The following TMBIM1 variants were observed in gnomAD, a reference collection of about 807,000 sequenced individuals.
TMBIM1 encodes protein lifeguard 3.
Under a neutral mutation model 45.1 loss-of-function variants are expected in TMBIM1, and 34 were observed. That is an observed-to-expected ratio of 0.75 (90% CI 0.57 to 1.00). TMBIM1 has a LOEUF of 1.00. Ranked by LOEUF, TMBIM1 falls within the 50% of genes least tolerant of loss-of-function variation. TMBIM1 has a pLI of 0.00. For missense variants in TMBIM1, 374 were observed against 402.4 expected (o/e 0.93, Z 0.60); for synonymous variants, 157 against 153.5 (o/e 1.02, Z -0.17).
chr2:218,276,015 C>T lies in TMBIM1; in HGVS notation c.789+11G>A. On this transcript the variant is annotated intron_variant, in intron 11 of 11. Transcript: ENST00000258412. ...CTCAGCTCCCCTTCCTAGAGTGGGG[C>T]TGGGACTTACCAGGGTGAAACAAAT... is the stretch of plus-strand genomic sequence containing the variant. 1 of 1,610,120 alleles carries T rather than the reference C, an allele frequency of 6.2e-7. No individual in the cohort carries two copies. Among genetic ancestry groups the T allele is most frequent in the African/African-American group, 1.3e-5 (1 of 75,016 alleles).
In TMBIM1 at chr2:218,287,892, A is replaced by G. The variant is rs534371033; in HGVS notation, c.-41+4574T>C. 1.6e-3 allele frequency among the ~76,000 whole-genome samples: 247 copies of G among 152,218 alleles called. 1 individual carries two copies. Among genetic ancestry groups the G allele is most frequent in the Non-Finnish European group, 1.2e-3 (84 of 68,012 alleles). On this transcript the variant is annotated intron_variant, in intron 1 of 11. Coordinates refer to ENST00000258412, the MANE Select transcript of TMBIM1 (RefSeq NM_022152.6). ...AGGACCCAGGCACCGCAGCTCCGCCACCCTTGTCTGGAGCAGAATCCTGTG... is the reference window on the plus strand; with the variant it reads ...AGGACCCAGGCACCGCAGCTCCGCCGCCCTTGTCTGGAGCAGAATCCTGTG...
intron 3 of TMBIM1, chr2:218,279,668 G>A (rs1202295650): frequency 4.1e-6 from 2 of 487,696 alleles, no homozygotes; most frequent in Non-Finnish European, 7.4e-6. Flanking sequence ...CTATGCAGCT[G>A]TGAGATGGAG....
In TMBIM1 at chr2:218,281,954, A is replaced by G; in HGVS notation, c.188T>C (p.Met63Thr). The G allele has an allele frequency of 1.3e-6, 2 of 1,598,908 alleles. No homozygotes were observed. The highest frequency in any genetic ancestry group is 1.7e-6 in the Non-Finnish European group (2 of 1,173,832). ...CCAGGACTCACCGTAGTTCATGGGC[A>G]TCGGGTGGGTGGGGGGCATGGGCTG... Reference protein sequence around the residue: ...YPQPMPPTHPMPMNYGPGHGY... With the variant: ...YPQPMPPTHPTPMNYGPGHGY... Residue 63 changes from methionine to threonine, a missense_variant, in exon 2 of 12, where the codon ATG (methionine) becomes ACG (threonine). Met to Thr is a moderately conservative substitution (Grantham distance 81). Transcript: ENST00000258412.
Position 218,277,117 on chromosome 2 carries a change from A to G in TMBIM1, c.640-18T>C. The G allele has an allele frequency of 6.2e-7, 1 of 1,609,770 alleles. No individual in the cohort carries two copies. Among genetic ancestry groups the G allele is most frequent in the South Asian group, 1.1e-5 (1 of 90,928 alleles). Reference sequence around the variant, plus strand: ...AAGTCCACCTGCCAGGAAGCAAGAAAGAGGCACCTGTCAGATGGCTGTGAC... The same window carrying G: ...AAGTCCACCTGCCAGGAAGCAAGAAGGAGGCACCTGTCAGATGGCTGTGAC... On this transcript the variant is annotated intron_variant, in intron 9 of 11. Transcript: ENST00000258412.
intron 1 of TMBIM1, among the ~76,000 whole-genome samples, chr2:218,289,577 G>C (rs2106238058): frequency 7.3e-6 from 1 of 137,006 alleles, no homozygotes; most frequent in Admixed American, 8.2e-5. Flanking sequence ...AGGAGATGTA[G>C]GTTGCAGTGA....
At chr2:218,279,216 C>T in intron 4 of TMBIM1, 73 bp downstream of exon 4, 1 of 1,538,304 alleles carries the variant, frequency 6.5e-7, no homozygotes, top group East Asian at 2.3e-5. Flanking sequence ...GGGCCCACCG[C>T]CACCCACACC....
rs1001763480 is a variant in TMBIM1, at chr2:218,274,352, C to G, written c.*1123G>C. 5 of 154,924 alleles carry G rather than the reference C, an allele frequency of 3.2e-5. No homozygotes were observed. Among genetic ancestry groups the G allele is most frequent in the African/African-American group, 9.6e-5 (4 of 41,504 alleles). The allele number at this position is 154,924 out of a possible 1,614,324, so 9.6% of individuals were successfully genotyped here. ...ACAGACTGACCCTTGTCCCCCTTCC[C>G]CATTCCAGCTCAAGGCACTTAATAT... On this transcript the variant is annotated 3_prime_UTR_variant, in exon 12 of 12. Coordinates refer to ENST00000258412, the MANE Select transcript of TMBIM1 (RefSeq NM_022152.6).
rs1303541940 is a variant in TMBIM1 at position 218,275,591 on chromosome 2, C to G, written c.820G>C (p.Gly274Arg). Residue 274 changes from glycine to arginine, a missense_variant, in exon 12 of 12, where the codon GGG (glycine) becomes CGG (arginine). By Grantham distance (125) the Gly-to-Arg change is moderately radical. Coordinates refer to ENST00000258412, the MANE Select transcript of TMBIM1 (RefSeq NM_022152.6). ...GGGCTGATGGTGTGCTTCCGGTTCC[C>G]CAGGACCAGCTGTGTGTCGTAAGCC... ...FLAYDTQLVL[G>R]NRKHTISPED... 1 of 1,613,526 alleles carries G rather than the reference C, an allele frequency of 6.2e-7. No homozygotes were observed. The highest frequency in any genetic ancestry group is 8.5e-7 in the Non-Finnish European group (1 of 1,179,868).
chr2:218,278,148 T>C lies in TMBIM1; in HGVS notation c.474-174A>G. ...TCAGGTGTGGTACGCAGGGACAACA[T>C]GGGCCAATGAGACAGACCTGTGTTG... On this transcript the variant is annotated intron_variant, in intron 6 of 11. Transcript: ENST00000258412. 3 of 674,058 alleles carry C rather than the reference T, an allele frequency of 4.5e-6. No individual in the cohort carries two copies. In the Admixed American group the frequency reaches 8.3e-5, roughly 19 times the overall value. 41.8% of individuals were successfully genotyped at this position (674,058 alleles called of 1,614,324 possible).
At chr2:218,281,825 G>T in intron 2 of TMBIM1, 115 bp downstream of exon 2, 2 of 889,982 alleles carry the variant, frequency 2.2e-6, no homozygotes, top group Non-Finnish European at 3.5e-6. Context: ...CAACAGAGAA[G>T]ATGAGAAAGG....
At chr2:218,283,853 G>C (rs1187803491) in intron 1 of TMBIM1, among the ~76,000 whole-genome samples, 1 of 152,102 alleles carries the variant, frequency 6.6e-6, no homozygotes, top group Non-Finnish European at 1.5e-5. Context: ...GATAGAACCA[G>C]GGCAAGAATG....
In TMBIM1 at chr2:218,275,240, G is replaced by T; in HGVS notation, c.*235C>A. ...GTGGCGGGGAGAAGACACATCTTCA[G>T]CCTAGTCCCTGCCAAGCCCACCAAG... On this transcript the variant is annotated 3_prime_UTR_variant, in exon 12 of 12. Transcript: ENST00000258412. The T allele has an allele frequency of 2.3e-6, 1 of 438,816 alleles. No homozygotes were observed. Among genetic ancestry groups the T allele is most frequent in the Non-Finnish European group, 4.0e-6 (1 of 251,874 alleles). The allele number at this position is 438,816 out of a possible 1,614,324, so 27.2% of individuals were successfully genotyped here. A position where few individuals can be genotyped will look rare whatever the true frequency, so the allele number is the denominator to read the frequency against.
intron 9 of TMBIM1, 74 bp from the exon 10 acceptor site, chr2:218,277,173 G>A: frequency 1.5e-6 from 2 of 1,340,788 alleles, no homozygotes; most frequent in Non-Finnish European, 1.1e-6. Flanking sequence ...CCCTGCCAGG[G>A]AGTCCCAGTG....
At chr2:218,292,256 G>A (rs3731860) in intron 1 of TMBIM1, among the ~76,000 whole-genome samples, 50,583 of 152,122 alleles carry the variant, frequency 0.33, 9,245 homozygotes, top group Middle Eastern at 0.54. Flanking sequence ...CCACAGACCC[G>A]GCCGCCCACC....
chr2:218,274,237 T>G lies in TMBIM1; in HGVS notation c.*1238A>C, dbSNP rs938284165. 6.5e-6 allele frequency: 1 copy of G among 155,016 alleles called. No individual in the cohort carries two copies. The highest frequency in any genetic ancestry group is 1.5e-5 in the Non-Finnish European group (1 of 68,236). The allele number at this position is 155,016 out of a possible 1,614,324, so 9.6% of individuals were successfully genotyped here. A position where few individuals can be genotyped will look rare whatever the true frequency, so the allele number is the denominator to read the frequency against. The stretch of plus-strand genomic sequence containing the variant: ...ATAAACTTTATTACATTTATAGTTG[T>G]ATCCCTTTGTGTGATATAGTTAGGA... On this transcript the variant is annotated 3_prime_UTR_variant, in exon 12 of 12. Coordinates refer to ENST00000258412, the MANE Select transcript of TMBIM1 (RefSeq NM_022152.6).
chr2:218,280,219 T>C, intron 2 of TMBIM1, 93 bp from the exon 3 acceptor site: 1 of 933,494 alleles, frequency 1.1e-6, no homozygotes, highest in South Asian at 1.4e-5. Flanking sequence ...CTCAGGGATC[T>C]CCAGCCAAAA....
rs570047559 is a variant in TMBIM1 at position 218,288,354 on chromosome 2, G to A, written c.-41+4112C>T. Among the ~76,000 whole-genome samples, 250 of 152,278 alleles carry A rather than the reference G, an allele frequency of 1.6e-3. 2 individuals carry two copies. The highest frequency in any genetic ancestry group is 5.7e-3 in the African/African-American group (237 of 41,578). ...TGAGGCAGAAGAATGGCATGAACCC[G>A]GGAGGCGGAGCTTGCAGTGAGTCAA... is the stretch of plus-strand genomic sequence containing the variant. On this transcript the variant is annotated intron_variant, in intron 1 of 11. Transcript: ENST00000258412.
intron 3 of TMBIM1, 152 bp from the exon 4 acceptor site, chr2:218,279,505 G>T: frequency 8.2e-6 from 5 of 608,866 alleles, no homozygotes; most frequent in Non-Finnish European, 1.4e-5. Context: ...TGGCTCAGAG[G>T]CAATGTGCAC....
intron 10 of TMBIM1, 77 bp downstream of exon 10, chr2:218,276,927 G>T: frequency 1.6e-6 from 2 of 1,254,950 alleles, no homozygotes; most frequent in Non-Finnish European, 2.3e-6. Context: ...GACCTTTGGG[G>T]CCTGCGAGAC....
Sources: allele counts gnomAD v4.1 joint callset (sites outside exome capture counted in the v4.1 genomes callset), GRCh38; gene constraint gnomAD v4.1.1; transcripts MANE v1.5; gene names NCBI Gene and HGNC (gene_info 2026-07-23, HGNC 2026-07-21).